The following KCNN2 variants were observed in gnomAD, a reference collection of about 807,000 sequenced individuals.
KCNN2 encodes small conductance calcium-activated potassium channel protein 2.
KCNN2 carries 24 observed loss-of-function variants against 55.5 expected under a neutral mutation model. The ratio of observed to expected loss-of-function variants is 0.43; its 90% confidence interval spans 0.31 to 0.61. KCNN2 has a LOEUF of 0.61. Ranked by LOEUF, KCNN2 falls within the 20% of genes least tolerant of loss-of-function variation. The pLI is 0.08. For missense variants in KCNN2, 754 were observed against 853.6 expected, an observed-to-expected ratio of 0.88 and a Z score of 1.45; for synonymous variants, 431 against 336.1, an observed-to-expected ratio of 1.28 and a Z score of -3.09.
At chr5:114,099,627 C>T (rs966566570) in intron 1 of KCNN2, among the ~76,000 whole-genome samples, 1 of 152,102 alleles carries the variant, frequency 6.6e-6, no homozygotes, top group Non-Finnish European at 1.5e-5. Context: ...CAGGCACATG[C>T]CACCATACCT....
intron 1 of KCNN2, among the ~76,000 whole-genome samples, chr5:114,212,956 T>C (rs989048477): frequency 6.6e-6 from 1 of 151,950 alleles, no homozygotes; most frequent in Non-Finnish European, 1.5e-5. Flanking sequence ...ATGCAATTAA[T>C]TAAGAGAGGG....
chr5:114,243,094 C>CA (rs1754677286), intron 2 of KCNN2, among the ~76,000 whole-genome samples: 1 of 151,980 alleles, frequency 6.6e-6, no homozygotes. Context: ...TGTCTTCATA[C>CA]AAAATTATTG....
intron 1 of KCNN2, among the ~76,000 whole-genome samples, chr5:114,158,337 G>C (rs1752686582): frequency 6.6e-6 from 1 of 152,086 alleles, no homozygotes; most frequent in African/African-American, 2.4e-5. Flanking sequence ...ATTTCTGAGG[G>C]CTCTGTTCTG....
chr5:114,126,793 G>A (rs928073544), intron 1 of KCNN2, among the ~76,000 whole-genome samples: 1 of 152,070 alleles, frequency 6.6e-6, no homozygotes, highest in Non-Finnish European at 1.5e-5. Context: ...TTCCACCTAT[G>A]AGCCTGTAAA....
At chr5:114,299,690 A>G (rs1241930653) in intron 2 of KCNN2, among the ~76,000 whole-genome samples, 4 of 152,140 alleles carry the variant, frequency 2.6e-5, no homozygotes, top group Non-Finnish European at 5.9e-5. Context: ...TTATAGCTCT[A>G]GTCTCACCCA....
chr5:114,351,955 C>T (rs754192836), intron 2 of KCNN2, among the ~76,000 whole-genome samples: 9 of 151,472 alleles, frequency 5.9e-5, no homozygotes, highest in Non-Finnish European at 1.0e-4. Flanking sequence ...AAAATGGGTT[C>T]GGAAGTGTTT....
exon 1 of KCNN2, chr5:114,056,226 C>T: frequency 2.5e-6 from 1 of 395,952 alleles, no homozygotes; most frequent in Non-Finnish European, 4.4e-6. Flanking sequence ...CCCCGGAGCT[C>T]TCCGGCTGGC....
At chr5:114,307,394 A>G (rs1756304594) in intron 2 of KCNN2, among the ~76,000 whole-genome samples, 1 of 152,194 alleles carries the variant, frequency 6.6e-6, no homozygotes, top group African/African-American at 2.4e-5. Flanking sequence ...TAGTAATGCT[A>G]GGTCCTGTGG....
chr5:114,104,330 G>T (rs1259744923), intron 1 of KCNN2, among the ~76,000 whole-genome samples: 3 of 151,788 alleles, frequency 2.0e-5, no homozygotes, highest in Non-Finnish European at 4.4e-5. Context: ...TTCTTTATTA[G>T]TCTGGCTAGT....
Position 114,362,537 on chromosome 5 carries a change from C to T in KCNN2, c.398C>T (p.Ser133Phe). Residue 133 changes from serine (S) to phenylalanine (F), a missense_variant, in exon 1 of 8, where the codon TCC becomes TTC. Physicochemically the swap from Ser to Phe is radical, Grantham distance 155. Transcript: ENST00000673685. ...SQLNVSELTP[S>F]SHASALRQQY... is the part of the protein sequence containing the mutation. ...CTCAATGTGAGCGAGCTGACGCCGTCCAGCCATGCCAGTGCGCTCCGGCAG... is the reference window on the plus strand; with the variant it reads ...CTCAATGTGAGCGAGCTGACGCCGTTCAGCCATGCCAGTGCGCTCCGGCAG... 1 of 554,046 alleles carries T rather than the reference C, an allele frequency of 1.8e-6. No homozygotes were observed. The highest frequency in any genetic ancestry group is 3.1e-6 in the Non-Finnish European group (1 of 327,474). The allele number at this position is 554,046 out of a possible 1,614,324, so 34.3% of individuals were successfully genotyped here. A position where few individuals can be genotyped will look rare whatever the true frequency, so the allele number is the denominator to read the frequency against.
intron 5 of KCNN2, among the ~76,000 whole-genome samples, chr5:114,479,226 T>TAAAAAAAAAAAAAAA (rs55994944): frequency 7.2e-6 from 1 of 138,982 alleles, no homozygotes; most frequent in African/African-American, 2.7e-5. Flanking sequence ...ATGAAAACTA[T>TAAAAAAAAAAAAAAA]AAAAAAAAAA....
chr5:114,352,759 C>T (rs535653307), intron 2 of KCNN2, among the ~76,000 whole-genome samples: 20 of 151,872 alleles, frequency 1.3e-4, no homozygotes, highest in East Asian at 1.9e-4. Flanking sequence ...TATAAATATA[C>T]GAGGTACAAG....
chr5:114,434,870 T>G (rs1260868584), intron 3 of KCNN2, among the ~76,000 whole-genome samples: 3 of 152,184 alleles, frequency 2.0e-5, no homozygotes, highest in Admixed American at 1.3e-4. Flanking sequence ...GGTATTTCCC[T>G]TTTCCCAAGT....
chr5:114,495,737 A>C (rs1748082348), intron 7 of KCNN2, among the ~76,000 whole-genome samples, 158 bp from the exon 8 acceptor site: 1 of 152,214 alleles, frequency 6.6e-6, no homozygotes. Flanking sequence ...CATTGAACAC[A>C]TACAATGAGT....
At chr5:114,073,412 T>A (rs1750618670) in intron 1 of KCNN2, among the ~76,000 whole-genome samples, 1 of 152,260 alleles carries the variant, frequency 6.6e-6, no homozygotes, top group African/African-American at 2.4e-5. Flanking sequence ...TATCCCAATG[T>A]TCAATTAGCA....
intron 1 of KCNN2, among the ~76,000 whole-genome samples, chr5:114,170,984 T>C (rs933581750): frequency 4.6e-5 from 7 of 152,012 alleles, no homozygotes; most frequent in Non-Finnish European, 7.4e-5. Context: ...CACTTTTGGC[T>C]TCAGTCTGGG....
At chr5:114,128,914 T>G (rs1001973595) in intron 1 of KCNN2, among the ~76,000 whole-genome samples, 4 of 152,216 alleles carry the variant, frequency 2.6e-5, no homozygotes, top group Non-Finnish European at 2.9e-5. Flanking sequence ...ACTGTGTAAT[T>G]TTCTAGGTAA....
At chr5:114,478,561 A>G (rs1762078274) in intron 5 of KCNN2, among the ~76,000 whole-genome samples, 1 of 152,048 alleles carries the variant, frequency 6.6e-6, no homozygotes, top group Non-Finnish European at 1.5e-5. Flanking sequence ...CCAGTAAGGT[A>G]CTCCACAAGA....
intron 2 of KCNN2, among the ~76,000 whole-genome samples, chr5:114,331,913 G>A (rs867337167): frequency 4.4e-4 from 67 of 152,262 alleles, no homozygotes; most frequent in African/African-American, 1.6e-3. Context: ...GCAACCAGCT[G>A]GGGCTGTAAG....
Sources: allele counts gnomAD v4.1 joint callset (sites outside exome capture counted in the v4.1 genomes callset), GRCh38; gene constraint gnomAD v4.1.1; transcripts MANE v1.5; gene names NCBI Gene and HGNC (gene_info 2026-07-23, HGNC 2026-07-21).